Variants in OR9G4 observed in about 807,000 individuals in gnomAD.
The protein encoded by OR9G4 is olfactory receptor 9G4.
Under a neutral mutation model 16.7 loss-of-function variants are expected in OR9G4, and 19 were observed. That is an observed-to-expected ratio of 1.14 (90% CI 0.79 to 1.67). The LOEUF is 1.67. OR9G4 is among the 40% of genes most tolerant of loss of function. The pLI is 0.00. For missense variants in OR9G4, 428 were observed against 370.4 expected (o/e 1.16, Z -1.28); for synonymous variants, 182 against 146.2 (o/e 1.24, Z -1.76).
Position 56,742,656 on chromosome 11 carries a change from CTTTGT to C in OR9G4, c.*167_*171del. On this transcript the variant is annotated 3_prime_UTR_variant, in exon 2 of 2. Transcript: ENST00000641668. ...CCAATATTATAAGTTTTAAATATTA[CTTTGT>C]TTTGTTTACATCATAACAAACGAAT... The C allele has an allele frequency of 1.6e-6, 1 of 614,764 alleles. No individual in the cohort carries two copies. Among genetic ancestry groups the C allele is most frequent in the Non-Finnish European group, 2.8e-6 (1 of 356,432 alleles). 38.1% of individuals were successfully genotyped at this position (614,764 alleles called of 1,614,324 possible). A position where few individuals can be genotyped will look rare whatever the true frequency, so the allele number is the denominator to read the frequency against.
rs769216280 is a variant in OR9G4 at position 56,743,720 on chromosome 11, C to T, written c.47G>A (p.Gly16Asp). The change falls in exon 2 of 2, where the codon GGT (glycine) becomes GAT (aspartate). Residue 16 changes from glycine (G) to aspartate (D), a missense_variant. Physicochemically the swap from Gly to Asp is moderately conservative, Grantham distance 94. Transcript: ENST00000641668. The part of the protein sequence containing the change: ...CTILTEFILL[G>D]FSADSQWQPI... ...CTGCCACTGGGAATCTGCTGAGAAA[C>T]CCAACAAGATGAATTCAGTCAGGAT... The T allele has an allele frequency of 3.1e-6, 5 of 1,614,164 alleles. No homozygotes were observed. Among genetic ancestry groups the T allele is most frequent in the Non-Finnish European group, 4.2e-6 (5 of 1,180,008 alleles).
At chr11:56,745,288 C>T (rs1590608573) in intron 1 of OR9G4, among the ~76,000 whole-genome samples, 1 of 152,104 alleles carries the variant, frequency 6.6e-6, no homozygotes, top group East Asian at 1.9e-4. Flanking sequence ...CAACTATTTC[C>T]ATGTAACTTG....
chr11:56,743,891 T>C (rs755376404), intron 1 of OR9G4, 103 bp from the exon 2 acceptor site: 39 of 1,303,594 alleles, frequency 3.0e-5, no homozygotes, highest in Non-Finnish European at 4.1e-5. Flanking sequence ...TGTAGATTTT[T>C]CTCCCTTACT....
chr11:56,744,149 C>A (rs1317529900), intron 1 of OR9G4, among the ~76,000 whole-genome samples: 1 of 152,006 alleles, frequency 6.6e-6, no homozygotes, highest in Non-Finnish European at 1.5e-5. Flanking sequence ...TTCACTGCAA[C>A]TTCTGCCTCC....
In OR9G4 at chr11:56,741,242, GT is replaced by G. The variant is rs1858292395; in HGVS notation, c.*1585del. 3.0e-6 allele frequency: 1 copy of G among 331,422 alleles called. No homozygotes were observed. Among genetic ancestry groups the G allele is most frequent in the Admixed American group, 4.6e-5 (1 of 21,698 alleles). 20.5% of individuals were successfully genotyped at this position (331,422 alleles called of 1,614,324 possible). A position where few individuals can be genotyped will look rare whatever the true frequency, so the allele number is the denominator to read the frequency against. On this transcript the variant is annotated 3_prime_UTR_variant, in exon 2 of 2. Coordinates refer to ENST00000641668, the MANE Select transcript of OR9G4 (RefSeq NM_001005284.2). ...AATTGTGTTTCTTTGTGTTTCGTTT[GT>G]TTGTTATGATTTTGAGATCAGACTA... is the stretch of plus-strand genomic sequence containing the variant.
Position 56,742,567 on chromosome 11 carries a change from A to C in OR9G4, c.*261T>G, listed in dbSNP as rs1858318522. 3 of 412,746 alleles carry C rather than the reference A, an allele frequency of 7.3e-6. No individual in the cohort carries two copies. The highest frequency in any genetic ancestry group is 1.3e-5 in the Non-Finnish European group (3 of 231,874). The allele number at this position is 412,746 out of a possible 1,614,324, so 25.6% of individuals were successfully genotyped here. On this transcript the variant is annotated 3_prime_UTR_variant, in exon 2 of 2. Coordinates refer to ENST00000641668, the MANE Select transcript of OR9G4 (RefSeq NM_001005284.2). ...AGATCTCCCAAAGGGAGCAAACACA[A>C]TGAAATCTATGAAAGATTTAATGCT... is the stretch of plus-strand genomic sequence containing the variant.
intron 1 of OR9G4, among the ~76,000 whole-genome samples, chr11:56,747,096 A>C (rs1180851353): frequency 1.3e-5 from 2 of 151,942 alleles, no homozygotes; most frequent in Admixed American, 6.6e-5. Context: ...AACACTCACC[A>C]CACTGACCTC....
At position 56,743,693 on chromosome 11, in the gene OR9G4, G is replaced by T. The variant is rs373807567; in HGVS notation, c.74C>A (p.Pro25Gln). 1 of 1,613,976 alleles carries T rather than the reference G, an allele frequency of 6.2e-7. No homozygotes were observed. The highest frequency in any genetic ancestry group is 1.1e-5 in the South Asian group (1 of 91,080). The change falls in exon 2 of 2, where the codon CCG becomes CAG. Residue 25 changes from proline (P) to glutamine (Q), a missense_variant. By Grantham distance (76) the Pro-to-Gln change is moderately conservative. Transcript: ENST00000641668. Reference protein sequence around the residue: ...LGFSADSQWQPILFGVFLMLY... With the variant: ...LGFSADSQWQQILFGVFLMLY... Reference sequence around the variant, plus strand: ...CATCAGAAACACTCCAAATAGAATCGGCTGCCACTGGGAATCTGCTGAGAA... The same window carrying T: ...CATCAGAAACACTCCAAATAGAATCTGCTGCCACTGGGAATCTGCTGAGAA...
Position 56,741,382 on chromosome 11 carries a change from A to C in OR9G4, c.*1446T>G. 1 of 175,916 alleles carries C rather than the reference A, an allele frequency of 5.7e-6. No individual in the cohort carries two copies. 10.9% of individuals were successfully genotyped at this position (175,916 alleles called of 1,614,324 possible). A position where few individuals can be genotyped will look rare whatever the true frequency, so the allele number is the denominator to read the frequency against. On this transcript the variant is annotated 3_prime_UTR_variant, in exon 2 of 2. Coordinates refer to ENST00000641668, the MANE Select transcript of OR9G4 (RefSeq NM_001005284.2). The stretch of plus-strand genomic sequence containing the variant: ...AATTATTCTGATATCCTAAAGTGAA[A>C]TTAAATTTTTACGATGTTCTTTCCC...
At position 56,743,518 on chromosome 11, in the gene OR9G4, G is replaced by A; in HGVS notation, c.249C>T (p.Ala83=). 1 of 1,614,102 alleles carries A rather than the reference G, an allele frequency of 6.2e-7. No homozygotes were observed. The highest frequency in any genetic ancestry group is 1.7e-5 in the Admixed American group (1 of 60,012). The change falls in exon 2 of 2, where the codon GCC becomes GCT. Residue 83 remains alanine, a synonymous_variant. Transcript: ENST00000641668. The part of the protein sequence containing the change: ...YTSVYTPKIL[A]SCVSEDKRIS... Reference sequence around the variant, plus strand: ...TGCGCTTATCTTCTGAGACACAACTGGCCAGGATTTTGGGGGTATACACAG... The same window carrying A: ...TGCGCTTATCTTCTGAGACACAACTAGCCAGGATTTTGGGGGTATACACAG...
At chr11:56,744,533 C>T (rs571067762) in intron 1 of OR9G4, among the ~76,000 whole-genome samples, 1 of 152,102 alleles carries the variant, frequency 6.6e-6, no homozygotes, top group Non-Finnish European at 1.5e-5. Context: ...ATTAAAGTTG[C>T]TATTTATATT....
intron 1 of OR9G4, 135 bp from the exon 2 acceptor site, chr11:56,743,923 G>T (rs1858361595): frequency 2.0e-6 from 2 of 1,005,846 alleles, no homozygotes; most frequent in South Asian, 3.4e-5. Context: ...TAGGACTTCA[G>T]TCCATGATTT....
In OR9G4 at chr11:56,743,693, G is replaced by C; in HGVS notation, c.74C>G (p.Pro25Arg). ...LGFSADSQWQ[P>R]ILFGVFLMLY... ...CATCAGAAACACTCCAAATAGAATCGGCTGCCACTGGGAATCTGCTGAGAA... is the reference window on the plus strand; with the variant it reads ...CATCAGAAACACTCCAAATAGAATCCGCTGCCACTGGGAATCTGCTGAGAA... The change falls in exon 2 of 2, where the codon CCG becomes CGG. Residue 25 changes from proline (P) to arginine (R), a missense_variant. Pro to Arg is a moderately radical substitution (Grantham distance 103). Transcript: ENST00000641668. The C allele has an allele frequency of 6.2e-7, 1 of 1,614,096 alleles. No individual in the cohort carries two copies. The highest frequency in any genetic ancestry group is 8.5e-7 in the Non-Finnish European group (1 of 1,180,006).
In OR9G4 at chr11:56,741,965, G is replaced by A. The variant is rs896787664; in HGVS notation, c.*863C>T. On this transcript the variant is annotated 3_prime_UTR_variant, in exon 2 of 2. Transcript: ENST00000641668. ...TTGATTTTTCAGGGTTTCAGGCATCGATCTAAACAAGTTTACCAGTTCTTA... is the reference window on the plus strand; with the variant it reads ...TTGATTTTTCAGGGTTTCAGGCATCAATCTAAACAAGTTTACCAGTTCTTA... 9.2e-5 allele frequency: 14 copies of A among 152,224 alleles called. No homozygotes were observed. Among genetic ancestry groups the A allele is most frequent in the Non-Finnish European group, 1.8e-4 (12 of 68,080 alleles). 9.4% of individuals were successfully genotyped at this position (152,224 alleles called of 1,614,324 possible).
chr11:56,744,111 A>G (rs1032731977), intron 1 of OR9G4: 2 of 295,140 alleles, frequency 6.8e-6, no homozygotes, highest in Non-Finnish European at 1.2e-5. Flanking sequence ...TCTGTCACCC[A>G]TGCTGGAATA....
intron 1 of OR9G4, among the ~76,000 whole-genome samples, chr11:56,748,127 A>C (rs1217958518): frequency 9.9e-5 from 15 of 152,222 alleles, no homozygotes; most frequent in Admixed American, 9.8e-4. Context: ...CAAGTTACCA[A>C]GTATCTGTGA....
At chr11:56,748,449 A>T (rs1858454723) in intron 1 of OR9G4, among the ~76,000 whole-genome samples, 1 of 152,192 alleles carries the variant, frequency 6.6e-6, no homozygotes, top group Non-Finnish European at 1.5e-5. Context: ...TAGATACAAG[A>T]CTGAGTTTCA....
rs142667643 is a variant in OR9G4 at position 56,743,334 on chromosome 11, C to T, written c.433G>A (p.Val145Ile). The T allele has an allele frequency of 4.3e-6, 7 of 1,614,064 alleles. No individual in the cohort carries two copies. The African/African-American group carries it at 6.7e-5, about 15-fold the overall frequency. Residue 145 changes from valine to isoleucine, a missense_variant, in exon 2 of 2, where the codon GTT becomes ATT. Transcript: ENST00000641668. ...TMSTALCTGLVAGSYIGGFLN... is the reference protein window; with the variant it reads ...TMSTALCTGLIAGSYIGGFLN... ...AATCCTCCTATGTAGGAGCCAGCAA[C>T]AAGCCCAGTACAGAGGGCGGTGGAC...
chr11:56,742,666 T>C lies in OR9G4; in HGVS notation c.*162A>G, dbSNP rs906146404. 6.2e-6 allele frequency: 4 copies of C among 641,798 alleles called. No individual in the cohort carries two copies. The highest frequency in any genetic ancestry group is 1.1e-5 in the Non-Finnish European group (4 of 374,530). 39.8% of individuals were successfully genotyped at this position (641,798 alleles called of 1,614,324 possible). On this transcript the variant is annotated 3_prime_UTR_variant, in exon 2 of 2. Transcript: ENST00000641668. ...AAGTTTTAAATATTACTTTGTTTTG[T>C]TTACATCATAACAAACGAATAACAA...
Sources: gnomAD v4.1 joint callset for allele counts (sites outside exome capture counted in the v4.1 genomes callset) on GRCh38, gnomAD v4.1.1 for gene constraint, MANE v1.5 for transcripts, NCBI Gene and HGNC (gene_info 2026-07-23, HGNC 2026-07-21) for gene names.